NEDD4L: variants seen among roughly 807,000 people sequenced by gnomAD.
NEDD4L encodes the protein E3 ubiquitin-protein ligase NEDD4-like.
A neutral mutation model predicts 148.9 loss-of-function variants in NEDD4L; 54 were observed. That is an observed-to-expected ratio of 0.36 (90% CI 0.29 to 0.45). The LOEUF is 0.45. NEDD4L is among the 20% of genes least tolerant of loss of function. The probability of loss-of-function intolerance (pLI) is 1.00; values close to 1 mark genes in which losing one functional copy is unlikely to be tolerated. For missense variants in NEDD4L, 856 were observed against 1,233.8 expected, an observed-to-expected ratio of 0.69 and a Z score of 4.59; for synonymous variants, 433 against 440.7, an observed-to-expected ratio of 0.98 and a Z score of 0.22.
chr18:58,078,307 G>A (rs2083272928), intron 1 of NEDD4L, among the ~76,000 whole-genome samples: 1 of 152,140 alleles, frequency 6.6e-6, no homozygotes, highest in Admixed American at 6.5e-5. Flanking sequence ...TGTTGCTGGT[G>A]GCCTTTAGTT....
intron 1 of NEDD4L, among the ~76,000 whole-genome samples, chr18:58,165,203 A>G (rs2036694952): frequency 6.6e-6 from 1 of 152,260 alleles, no homozygotes; most frequent in Admixed American, 6.5e-5. Context: ...GAAATGATGA[A>G]TAAATGAACA....
At chr18:58,305,503 A>G (rs1206258731) in intron 5 of NEDD4L, among the ~76,000 whole-genome samples, 1 of 152,204 alleles carries the variant, frequency 6.6e-6, no homozygotes. Context: ...AGTGCTGCGC[A>G]TTCTGCTCCA....
intron 2 of NEDD4L, among the ~76,000 whole-genome samples, chr18:58,176,273 G>T (rs572748588): frequency 6.6e-6 from 1 of 150,886 alleles, no homozygotes; most frequent in East Asian, 1.9e-4. Flanking sequence ...TCACTCTGTC[G>T]TCCTCTCTCT....
chr18:58,338,338 C>A (rs961762171), intron 13 of NEDD4L, among the ~76,000 whole-genome samples: 4 of 152,304 alleles, frequency 2.6e-5, no homozygotes, highest in Non-Finnish European at 5.9e-5. Context: ...CATGGCCTGT[C>A]TGTAGAAGCT....
chr18:58,316,115 A>G, intron 6 of NEDD4L, 83 bp downstream of exon 6: 1 of 1,123,168 alleles, frequency 8.9e-7, no homozygotes, highest in African/African-American at 1.5e-5. Flanking sequence ...TCAGAGTGGC[A>G]TTTCTTCACC....
chr18:58,363,463 C>T (rs918684828), intron 19 of NEDD4L, among the ~76,000 whole-genome samples: 1 of 152,138 alleles, frequency 6.6e-6, no homozygotes, highest in African/African-American at 2.4e-5. Context: ...ATAAAAATAT[C>T]GTAAGCTTTT....
chr18:58,246,939 C>T (rs1352407416), intron 3 of NEDD4L, among the ~76,000 whole-genome samples: 1 of 151,844 alleles, frequency 6.6e-6, no homozygotes, highest in Admixed American at 6.6e-5. Context: ...CTTTGGAGGC[C>T]GAGGCTGGCA....
intron 2 of NEDD4L, among the ~76,000 whole-genome samples, chr18:58,170,046 G>T (rs1317422076): frequency 6.6e-6 from 1 of 151,994 alleles, no homozygotes; most frequent in Non-Finnish European, 1.5e-5. Context: ...CACCTAACAG[G>T]TCCTCAGGAA....
intron 1 of NEDD4L, among the ~76,000 whole-genome samples, chr18:58,079,491 T>C (rs1350529841): frequency 1.3e-5 from 2 of 152,242 alleles, no homozygotes; most frequent in Non-Finnish European, 2.9e-5. Context: ...AGGTAACTGC[T>C]ATTATCCCTG....
At chr18:58,120,364 C>T (rs1467266045) in intron 1 of NEDD4L, among the ~76,000 whole-genome samples, 3 of 152,294 alleles carry the variant, frequency 2.0e-5, no homozygotes, top group East Asian at 1.9e-4. Context: ...CCTCCCTCTA[C>T]GATGAGGTTA....
At chr18:58,318,052 CGT>C (rs2058447014) in intron 6 of NEDD4L, among the ~76,000 whole-genome samples, 2 of 152,038 alleles carry the variant, frequency 1.3e-5, no homozygotes, top group Admixed American at 1.3e-4. Context: ...TATGTTTGGT[CGT>C]GTGTATAGGA....
chr18:58,068,357 G>A lies in NEDD4L; in HGVS notation c.48+23649G>A, dbSNP rs1288397152. ...TGAGACTACAGGCGCCTGCCACCAC[G>A]CCTGACTAATTTTTTGTATTTTTAG... On this transcript the variant is annotated intron_variant, in intron 1 of 30. Transcript: ENST00000400345. Among the ~76,000 whole-genome samples the A allele has an allele frequency of 5.3e-5, 8 of 152,014 alleles. No homozygotes were observed. In the South Asian group the frequency reaches 1.0e-3, roughly 20 times the overall value.
chr18:58,258,344 G>A (rs1188681522), intron 5 of NEDD4L, among the ~76,000 whole-genome samples: 9 of 152,132 alleles, frequency 5.9e-5, no homozygotes, highest in African/African-American at 2.2e-4. Flanking sequence ...ACCACTTACC[G>A]CATGAAGATT....
At position 58,325,115 on chromosome 18, in the gene NEDD4L, T is replaced by G; in HGVS notation, c.633T>G (p.Tyr211Ter). The G allele has an allele frequency of 6.2e-7, 1 of 1,614,048 alleles. No individual in the cohort carries two copies. Among genetic ancestry groups the G allele is most frequent in the Non-Finnish European group, 8.5e-7 (1 of 1,179,890 alleles). Reference sequence around the variant, plus strand: ...TGGACAATTTAGGCCGAACTTACTATGTCAACCACAACAACCGGACCACTC... The same window carrying G: ...TGGACAATTTAGGCCGAACTTACTAGGTCAACCACAACAACCGGACCACTC... ...EKVDNLGRTY[Y>*]VNHNNRTTQW... The change falls in exon 9 of 31, where the codon TAT (tyrosine) becomes TAG (stop). Residue 211 changes from tyrosine to a stop codon, truncating the protein, a stop_gained. Coordinates refer to ENST00000400345, the MANE Select transcript of NEDD4L (RefSeq NM_001144967.3). LOFTEE classifies it high-confidence loss of function.
At chr18:58,329,276 A>G in intron 10 of NEDD4L, 149 bp downstream of exon 10, 1 of 960,078 alleles carries the variant, frequency 1.0e-6, no homozygotes, top group Non-Finnish European at 1.5e-6. Flanking sequence ...CCATCTGAAT[A>G]TTAATTTGAA....
Position 58,329,097 on chromosome 18 carries a change from C to G in NEDD4L, c.783C>G (p.Pro261=), listed in dbSNP as rs201117610. Residue 261 remains proline (P), a synonymous_variant, in exon 10 of 31, where the codon CCC becomes CCG. Transcript: ENST00000400345. The part of the protein sequence containing the change: ...SRRHISEDLE[P]EPSEGGDVPE... ...GGCACATCAGCGAAGACTTGGAGCCCGAGCCCTCGGAGGGCGGGGATGTCC... is the reference window on the plus strand; with the variant it reads ...GGCACATCAGCGAAGACTTGGAGCCGGAGCCCTCGGAGGGCGGGGATGTCC... 1 of 1,613,946 alleles carries G rather than the reference C, an allele frequency of 6.2e-7. No homozygotes were observed. The highest frequency in any genetic ancestry group is 8.5e-7 in the Non-Finnish European group (1 of 1,179,878).
chr18:58,276,644 G>A (rs951672915), intron 5 of NEDD4L, among the ~76,000 whole-genome samples: 4 of 151,214 alleles, frequency 2.6e-5, no homozygotes, highest in Middle Eastern at 3.5e-3. Context: ...TAAGATCTTT[G>A]TAAATGCTAA....
At chr18:58,109,898 TTGA>T (rs902762509) in intron 1 of NEDD4L, among the ~76,000 whole-genome samples, 2 of 152,096 alleles carry the variant, frequency 1.3e-5, no homozygotes, top group East Asian at 1.9e-4. Context: ...GGGAAGCAAT[TTGA>T]TGATATTTAC....
chr18:58,065,005 G>T (rs553018118), intron 1 of NEDD4L, among the ~76,000 whole-genome samples: 38 of 152,266 alleles, frequency 2.5e-4, no homozygotes, highest in Non-Finnish European at 5.4e-4. Context: ...GATGGCACAC[G>T]TATTTTGCTC....
Sources: allele counts gnomAD v4.1 joint callset (sites outside exome capture counted in the v4.1 genomes callset), GRCh38; gene constraint gnomAD v4.1.1; transcripts MANE v1.5; gene names NCBI Gene and HGNC (gene_info 2026-07-23, HGNC 2026-07-21).